Variants in NUDCD1 observed in about 807,000 individuals in gnomAD.
NUDCD1 encodes the protein NudC domain containing 1.
In NUDCD1, 60 loss-of-function variants were observed where a neutral mutation model predicts 67.8. That is an observed-to-expected ratio of 0.88 (90% CI 0.72 to 1.10). The LOEUF (loss-of-function observed/expected upper bound fraction) is 1.10. Among genes scored for constraint, NUDCD1 ranks in the 50% least tolerant of loss-of-function variants. The pLI, the probability that NUDCD1 is intolerant of heterozygous loss-of-function variation, is 0.00. For synonymous variants in NUDCD1, 244 were observed against 230.8 expected, an observed-to-expected ratio of 1.06 and a Z score of -0.52; for missense variants, 643 against 695.0, an observed-to-expected ratio of 0.93 and a Z score of 0.84.
In NUDCD1 at chr8:109,252,773, T is replaced by C. The variant is rs530263096; in HGVS notation, c.1300-7292A>G. Among the ~76,000 whole-genome samples, 10 of 152,340 alleles carry C rather than the reference T, an allele frequency of 6.6e-5. No individual in the cohort carries two copies. The East Asian group carries it at 1.9e-3, about 29-fold the overall frequency. ...ACATACTTTTCCTTAGATTTTAAGC[T>C]GTTGGCTGCCCTGTAAGCTCAGCTT... On this transcript the variant is annotated intron_variant, in intron 8 of 9. Coordinates refer to ENST00000239690, the MANE Select transcript of NUDCD1 (RefSeq NM_032869.4).
intron 8 of NUDCD1, among the ~76,000 whole-genome samples, chr8:109,249,616 A>G (rs1813577047): frequency 6.6e-6 from 1 of 152,178 alleles, no homozygotes; most frequent in African/African-American, 2.4e-5. Context: ...AATTTTATAT[A>G]TTCCTGTAAT....
chr8:109,285,841 TA>T (rs1455091881), intron 5 of NUDCD1, among the ~76,000 whole-genome samples: 1 of 151,992 alleles, frequency 6.6e-6, no homozygotes, highest in East Asian at 1.9e-4. Context: ...AAATAAAAGG[TA>T]TCCAATTAGG....
intron 8 of NUDCD1, among the ~76,000 whole-genome samples, chr8:109,258,103 C>CT (rs1236527248): frequency 1.3e-5 from 2 of 152,112 alleles, no homozygotes; most frequent in Non-Finnish European, 2.9e-5. Flanking sequence ...ACAAAGATGA[C>CT]TTTGTGTTTC....
At chr8:109,307,615 G>A (rs1194242953) in intron 2 of NUDCD1, among the ~76,000 whole-genome samples, 1 of 152,174 alleles carries the variant, frequency 6.6e-6, no homozygotes, top group South Asian at 2.1e-4. Flanking sequence ...AGAGCATGAT[G>A]ACTAGAATGG....
Position 109,322,356 on chromosome 8 carries a change from A to G in NUDCD1, c.226T>C (p.Tyr76His), listed in dbSNP as rs374365139. 235 of 1,576,728 alleles carry G rather than the reference A, an allele frequency of 1.5e-4. No homozygotes were observed. The highest frequency in any genetic ancestry group is 1.9e-4 in the Non-Finnish European group (215 of 1,147,676). ...HCDSWYQDSV[Y>H]YIDTLGRIMN... Reference sequence around the variant, plus strand: ...ATTCTTCCAAGGGTATCAATATAGTAGACACTGTCTTGATACCATGAATCA... The same window carrying G: ...ATTCTTCCAAGGGTATCAATATAGTGGACACTGTCTTGATACCATGAATCA... The change falls in exon 2 of 10, where the codon TAC becomes CAC. Residue 76 changes from tyrosine to histidine, a missense_variant. By Grantham distance (83) the Tyr-to-His change is moderately conservative. Coordinates refer to ENST00000239690, the MANE Select transcript of NUDCD1 (RefSeq NM_032869.4).
rs191066289 is a variant in NUDCD1, at chr8:109,317,567, G to A, written c.273+4742C>T. On this transcript the variant is annotated intron_variant, in intron 2 of 9. Transcript: ENST00000239690. ...AAGGATCCACAGGATCCATTGTTCT[G>A]TGGATTAAACAGTTAGTACGTGTAA... 4.1e-4 allele frequency among the ~76,000 whole-genome samples: 62 copies of A among 150,104 alleles called. No individual in the cohort carries two copies. In the East Asian group the frequency reaches 9.1e-3, roughly 22 times the overall value.
rs185765579 is a variant in NUDCD1 at position 109,276,002 on chromosome 8, C to A, written c.1029-506G>T. On this transcript the variant is annotated intron_variant, in intron 6 of 9. Transcript: ENST00000239690. ...CTGAAGATCAAGCAGGTTAAATCAACGCAAATCTTAATTTTAAAATACAGA... is the reference window on the plus strand; with the variant it reads ...CTGAAGATCAAGCAGGTTAAATCAAAGCAAATCTTAATTTTAAAATACAGA... 2.0e-5 allele frequency among the ~76,000 whole-genome samples: 3 copies of A among 151,756 alleles called. No individual in the cohort carries two copies. In the East Asian group the frequency reaches 5.8e-4, roughly 29 times the overall value.
At chr8:109,256,387 C>T (rs1056318970) in intron 8 of NUDCD1, among the ~76,000 whole-genome samples, 1 of 152,146 alleles carries the variant, frequency 6.6e-6, no homozygotes, top group Admixed American at 6.5e-5. Context: ...TATTAGAGTA[C>T]ATCTCATACA....
chr8:109,282,623 A>G lies in NUDCD1; in HGVS notation c.824-1451T>C, dbSNP rs1814473432. 1.4e-5 allele frequency among the ~76,000 whole-genome samples: 2 copies of G among 142,274 alleles called. 1 individual carries two copies. Among genetic ancestry groups the G allele is most frequent in the South Asian group, 5.0e-4 (2 of 4,010 alleles). 93.3% of individuals were successfully genotyped at this position (142,274 alleles called of 152,430 possible). ...CCACATGTTCTCACTCATAAGTGGG[A>G]GTTGAACAATGAGAACTCATGGATA... On this transcript the variant is annotated intron_variant, in intron 5 of 9. Coordinates refer to ENST00000239690, the MANE Select transcript of NUDCD1 (RefSeq NM_032869.4).
chr8:109,252,244 T>G (rs1319314702), intron 8 of NUDCD1, among the ~76,000 whole-genome samples: 1 of 152,146 alleles, frequency 6.6e-6, no homozygotes, highest in Non-Finnish European at 1.5e-5. Context: ...GACCTCAGTT[T>G]CAGGTTTTGA....
At chr8:109,320,914 T>A (rs1445951983) in intron 2 of NUDCD1, among the ~76,000 whole-genome samples, 1 of 151,998 alleles carries the variant, frequency 6.6e-6, no homozygotes, top group East Asian at 1.9e-4. Context: ...ACCTACCACA[T>A]CTGGAAAGAC....
At chr8:109,327,257 T>G (rs1815699491) in intron 1 of NUDCD1, among the ~76,000 whole-genome samples, 2 of 152,206 alleles carry the variant, frequency 1.3e-5, no homozygotes, top group Non-Finnish European at 2.9e-5. Context: ...CCCATAAAAT[T>G]ATTTTATGCA....
Position 109,293,408 on chromosome 8 carries a change from C to T in NUDCD1, c.576G>A (p.Leu192=), listed in dbSNP as rs750790987. The T allele has an allele frequency of 3.7e-5, 59 of 1,590,440 alleles. No homozygotes were observed. The highest frequency in any genetic ancestry group is 5.1e-5 in the Non-Finnish European group (59 of 1,167,506). The part of the protein sequence containing the change: ...TLLLRIEKEE[L]DMKGSGFYVS... ...CATAGAAACCACTTCCTTTCATATC[C>T]AATTCCTCTTTCTCTATTCGAAGAA... is the stretch of plus-strand genomic sequence containing the variant. The change falls in exon 4 of 10, where the codon TTG becomes TTA. Residue 192 remains leucine (L), a synonymous_variant. Coordinates refer to ENST00000239690, the MANE Select transcript of NUDCD1 (RefSeq NM_032869.4).
rs538448519 is a variant in NUDCD1 at position 109,298,164 on chromosome 8, C to T, written c.274-1595G>A. Among the ~76,000 whole-genome samples the T allele has an allele frequency of 2.0e-5, 3 of 152,240 alleles. No homozygotes were observed. In the East Asian group the frequency reaches 5.8e-4, roughly 29 times the overall value. On this transcript the variant is annotated intron_variant, in intron 2 of 9. Transcript: ENST00000239690. ...GCTCACATTAAGTTTGTAGAATGAT[C>T]AAATCTGAGTATCAGTGATCTAAAA...
intron 2 of NUDCD1, among the ~76,000 whole-genome samples, chr8:109,305,890 C>T (rs896208452): frequency 2.0e-5 from 3 of 152,242 alleles, no homozygotes; most frequent in East Asian, 1.9e-4. Flanking sequence ...TCCTGGAAGT[C>T]GCAAGTACTC....
intron 8 of NUDCD1, among the ~76,000 whole-genome samples, chr8:109,266,925 T>G (rs978307133): frequency 6.6e-6 from 1 of 152,202 alleles, no homozygotes; most frequent in East Asian, 1.9e-4. Flanking sequence ...ATTTGTCATT[T>G]AAAACATAGA....
intron 2 of NUDCD1, chr8:109,315,222 G>C (rs1815362918): frequency 6.6e-6 from 1 of 151,676 alleles, no homozygotes; most frequent in African/African-American, 2.4e-5. Flanking sequence ...CTCAAAAAAT[G>C]TTACTCCGAA....
intron 4 of NUDCD1, 140 bp from the exon 5 acceptor site, chr8:109,290,073 T>C: frequency 2.2e-6 from 1 of 452,508 alleles, no homozygotes; most frequent in Non-Finnish European, 3.8e-6. Flanking sequence ...AGTCTTTTCA[T>C]AAGGATAAAC....
chr8:109,292,874 A>G (rs898161928), intron 4 of NUDCD1, among the ~76,000 whole-genome samples: 3 of 152,094 alleles, frequency 2.0e-5, no homozygotes, highest in African/African-American at 7.2e-5. Flanking sequence ...CTAAATGTAG[A>G]AACAAATAAT....
Sources: gnomAD v4.1 joint callset for allele counts (sites outside exome capture counted in the v4.1 genomes callset) on GRCh38, gnomAD v4.1.1 for gene constraint, MANE v1.5 for transcripts, NCBI Gene and HGNC (gene_info 2026-07-23, HGNC 2026-07-21) for gene names.